Variants in PACC1 observed in about 807,000 individuals in gnomAD.
PACC1 encodes the protein proton-activated chloride channel.
A neutral mutation model predicts 39.7 loss-of-function variants in PACC1; 34 were observed. The observed-to-expected ratio is 0.86, with a 90% CI of 0.65 to 1.14. PACC1 has a LOEUF of 1.14. Among genes scored for constraint, PACC1 ranks in the 50% most tolerant of loss-of-function variants. PACC1 has a pLI of 0.00. For synonymous variants in PACC1, 127 were observed against 160.6 expected, an observed-to-expected ratio of 0.79 and a Z score of 1.58; for missense variants, 379 against 436.4, an observed-to-expected ratio of 0.87 and a Z score of 1.17.
chr1:212,386,677 A>AGT lies in PACC1; in HGVS notation c.343+212_343+213dup, dbSNP rs901203366. 2.6e-5 allele frequency among the ~76,000 whole-genome samples: 4 copies of AGT among 152,178 alleles called. No individual in the cohort carries two copies. The highest frequency in any genetic ancestry group is 4.4e-5 in the Non-Finnish European group (3 of 68,034). On this transcript the variant is annotated intron_variant, in intron 3 of 7. Coordinates refer to ENST00000261455, the MANE Select transcript of PACC1 (RefSeq NM_018252.3). The surrounding 1 kb of genome is among the most constrained non-coding windows in gnomAD (Gnocchi z 5.0). Reference sequence around the variant, plus strand: ...TTCCCTGACCCCTCTAGTAGCCTGCAGTAGCTGCTCCAGGCTCTGTCCATT... The same window carrying AGT: ...TTCCCTGACCCCTCTAGTAGCCTGCAGTGTAGCTGCTCCAGGCTCTGTCCATT...
intron 2 of PACC1, among the ~76,000 whole-genome samples, chr1:212,390,429 GAA>G (rs569040186): frequency 6.0e-4 from 44 of 73,930 alleles, no homozygotes; most frequent in African/African-American, 1.4e-3. Context: ...ATCTCAAAAA[GAA>G]AAAAAAAAAA....
chr1:212,397,844 T>C (rs1010711078), intron 2 of PACC1, among the ~76,000 whole-genome samples: 10 of 152,362 alleles, frequency 6.6e-5, no homozygotes, highest in African/African-American at 2.2e-4. Context: ...GTTTCCATTA[T>C]TCATTTATTT....
intron 4 of PACC1, 56 bp from the exon 5 acceptor site, chr1:212,380,093 G>A (rs111587664): frequency 3.2e-6 from 5 of 1,578,938 alleles, no homozygotes; most frequent in Non-Finnish European, 4.3e-6. Flanking sequence ...AGAGGCCTCT[G>A]GGTCTGAGGG....
At chr1:212,371,979 C>G (rs1039635521) in intron 7 of PACC1, among the ~76,000 whole-genome samples, 19 of 152,104 alleles carry the variant, frequency 1.2e-4, no homozygotes, top group African/African-American at 4.6e-4. Flanking sequence ...ATTCAACATA[C>G]TATCATGATA....
At chr1:212,403,332 A>G (rs997488239) in intron 2 of PACC1, among the ~76,000 whole-genome samples, 1 of 152,084 alleles carries the variant, frequency 6.6e-6, no homozygotes, top group Non-Finnish European at 1.5e-5. Context: ...CAGGCCCTCC[A>G]TTCAACTCCT....
chr1:212,401,893 T>A (rs1445352488), intron 2 of PACC1, among the ~76,000 whole-genome samples: 2 of 152,134 alleles, frequency 1.3e-5, no homozygotes, highest in Non-Finnish European at 2.9e-5. Flanking sequence ...CAGACTGGTC[T>A]TGAACTCCTG....
chr1:212,391,911 C>T (rs138134457), intron 2 of PACC1, among the ~76,000 whole-genome samples: 1,935 of 152,154 alleles, frequency 0.013, 27 homozygotes, highest in Non-Finnish European at 0.017. Flanking sequence ...TTTAAAAAAA[C>T]GAACAAAGCC....
At chr1:212,377,826 C>T in intron 5 of PACC1, 120 bp from the exon 6 acceptor site, 1 of 1,151,852 alleles carries the variant, frequency 8.7e-7, no homozygotes. Flanking sequence ...CACTCCCTGC[C>T]TCCTCTCCAA....
intron 2 of PACC1, among the ~76,000 whole-genome samples, chr1:212,403,299 T>G (rs574512875): frequency 6.6e-6 from 1 of 152,328 alleles, no homozygotes; most frequent in African/African-American, 2.4e-5. Context: ...TACACTGTCC[T>G]CCTTTCTTGC....
At chr1:212,409,575 T>C (rs1158107387) in intron 2 of PACC1, among the ~76,000 whole-genome samples, 3 of 152,102 alleles carry the variant, frequency 2.0e-5, no homozygotes, top group Non-Finnish European at 4.4e-5. Context: ...TAAGTGGTAG[T>C]ACCATTCCTG....
chr1:212,399,392 A>T (rs1661635593), intron 2 of PACC1, among the ~76,000 whole-genome samples: 1 of 152,226 alleles, frequency 6.6e-6, no homozygotes, highest in African/African-American at 2.4e-5. Context: ...CATTTTTACA[A>T]TTACAGTCAT....
chr1:212,364,004 T>C lies in PACC1; in HGVS notation c.*1211A>G, dbSNP rs1010578038. The C allele has an allele frequency of 8.5e-5, 13 of 152,382 alleles. No homozygotes were observed. In the East Asian group the frequency reaches 1.7e-3, roughly 20 times the overall value. The allele number at this position is 152,382 out of a possible 1,614,324, so 9.4% of individuals were successfully genotyped here. On this transcript the variant is annotated 3_prime_UTR_variant, in exon 8 of 8. Transcript: ENST00000261455. ...CATTTAAAATGCCTATTCATACATT[T>C]GAGTTATTCCCTTTGGATTATCGGA...
At chr1:212,379,503 C>A (rs1196966249) in intron 5 of PACC1, among the ~76,000 whole-genome samples, 11 of 152,340 alleles carry the variant, frequency 7.2e-5, no homozygotes, top group African/African-American at 2.4e-4. Context: ...TAAGCCCGCA[C>A]TAAGGGCAAG....
intron 7 of PACC1, among the ~76,000 whole-genome samples, chr1:212,366,983 T>G (rs1009378215): frequency 1.3e-5 from 2 of 152,226 alleles, no homozygotes; most frequent in Non-Finnish European, 2.9e-5. Flanking sequence ...TATATTATGA[T>G]GACATGAATG....
chr1:212,368,336 C>T (rs1488856025), intron 7 of PACC1, among the ~76,000 whole-genome samples: 3 of 152,066 alleles, frequency 2.0e-5, no homozygotes, highest in African/African-American at 2.4e-5. Context: ...CATAGACAGA[C>T]GTACACAAGC....
intron 2 of PACC1, among the ~76,000 whole-genome samples, chr1:212,391,473 A>C (rs1232722551): frequency 1.3e-5 from 2 of 152,210 alleles, no homozygotes; most frequent in Non-Finnish European, 1.5e-5. Context: ...AAGGTAAATA[A>C]AACCACAAAG....
chr1:212,378,703 C>T (rs373529634), intron 5 of PACC1, among the ~76,000 whole-genome samples: 11 of 152,128 alleles, frequency 7.2e-5, no homozygotes, highest in East Asian at 5.8e-4. Flanking sequence ...CACTGTAAAT[C>T]GAAGACTAAG....
chr1:212,382,638 T>C (rs1660946937), intron 4 of PACC1, among the ~76,000 whole-genome samples: 1 of 152,188 alleles, frequency 6.6e-6, no homozygotes, highest in Non-Finnish European at 1.5e-5. Flanking sequence ...GCCAGAAGCC[T>C]ACACATTTCT....
chr1:212,377,527 C>T (rs780561459), intron 6 of PACC1, 35 bp downstream of exon 6: 6 of 1,612,388 alleles, frequency 3.7e-6, no homozygotes, highest in Non-Finnish European at 5.1e-6. Flanking sequence ...GTGGAAAAGT[C>T]ACCAGCAGTT....
Sources: gnomAD v4.1 joint callset for allele counts (sites outside exome capture counted in the v4.1 genomes callset) on GRCh38, gnomAD v4.1.1 for gene constraint, Gnocchi (gnomAD v3.1) non-coding constraint, MANE v1.5 for transcripts, NCBI Gene and HGNC (gene_info 2026-07-23, HGNC 2026-07-21) for gene names.